SYT16: variants seen among roughly 807,000 people sequenced by gnomAD.
The protein encoded by SYT16 is synaptotagmin 16, also known as synaptotagmin-16.
A neutral mutation model predicts 61.4 loss-of-function variants in SYT16; 42 were observed. The ratio of observed to expected loss-of-function variants is 0.68; its 90% CI spans 0.53 to 0.89. The LOEUF (loss-of-function observed/expected upper bound fraction) is 0.89. SYT16 is among the 40% of genes least tolerant of loss of function. The pLI, the probability that SYT16 is intolerant of heterozygous loss-of-function variation, is 0.00. For missense variants in SYT16, 804 were observed against 807.3 expected (o/e 1.00, Z 0.05); for synonymous variants, 314 against 302.3 (o/e 1.04, Z -0.40).
intron 3 of SYT16, among the ~76,000 whole-genome samples, chr14:62,047,666 TGA>T (rs145080082): frequency 0.38 from 57,139 of 151,800 alleles, 14,648 homozygotes; most frequent in African/African-American, 0.74. Flanking sequence ...ACTAATTTAT[TGA>T]GAGTTTTTAC....
In SYT16 at chr14:62,100,376, C is replaced by CTTTTTT. The variant is rs749150838; in HGVS notation, c.1625-13_1625-8dup. 20 of 1,286,602 alleles carry CTTTTTT rather than the reference C, an allele frequency of 1.6e-5. No individual in the cohort carries two copies. The highest frequency in any genetic ancestry group is 2.0e-4 in the Middle Eastern group (1 of 5,034). 79.7% of individuals were successfully genotyped at this position (1,286,602 alleles called of 1,614,324 possible). A position where few individuals can be genotyped will look rare whatever the true frequency, so the allele number is the denominator to read the frequency against. ...TGTTTCTTATCATCCCCACCCCACCCTTTTTTTTTTGTCTTAGATACATAT... is the reference window on the plus strand; with the variant it reads ...TGTTTCTTATCATCCCCACCCCACCCTTTTTTTTTTTTTTTTGTCTTAGATACATAT... On this transcript the variant is annotated splice_polypyrimidine_tract_variant and intron_variant, in intron 7 of 7. Coordinates refer to ENST00000683842, the MANE Select transcript of SYT16 (RefSeq NM_001367656.1).
intron 1 of SYT16, among the ~76,000 whole-genome samples, chr14:61,824,501 T>C (rs533592614): frequency 1.2e-3 from 176 of 152,184 alleles, no homozygotes; most frequent in Non-Finnish European, 2.0e-3. Context: ...TACAGGCACC[T>C]GCCACCACGC....
intron 2 of SYT16, among the ~76,000 whole-genome samples, chr14:61,993,685 G>A (rs1466508568): frequency 6.6e-6 from 1 of 151,942 alleles, no homozygotes; most frequent in African/African-American, 2.4e-5. Flanking sequence ...TGGCGAAATG[G>A]GATGTAACAA....
chr14:62,099,012 T>C (rs1450961534), intron 7 of SYT16, among the ~76,000 whole-genome samples: 1 of 151,934 alleles, frequency 6.6e-6, no homozygotes, highest in African/African-American at 2.4e-5. Flanking sequence ...CAAATTGGGT[T>C]GGAGGAGGGG....
At chr14:61,916,043 G>A (rs2049109286) in intron 1 of SYT16, among the ~76,000 whole-genome samples, 1 of 152,140 alleles carries the variant, frequency 6.6e-6, no homozygotes, top group African/African-American at 2.4e-5. Flanking sequence ...ATTCTTTGCT[G>A]TTGCATGTCT....
At position 61,846,414 on chromosome 14, in the gene SYT16, C is replaced by T. The variant is rs1269536748; in HGVS notation, c.-325+33604C>T. ...GACCCCTTTATCATTATATGGTGACCTTCTTTGTCTCCTCTTACAGTTTTT... is the reference window on the plus strand; with the variant it reads ...GACCCCTTTATCATTATATGGTGACTTTCTTTGTCTCCTCTTACAGTTTTT... On this transcript the variant is annotated intron_variant, in intron 1 of 7. Transcript: ENST00000683842. Among the ~76,000 whole-genome samples, 4 of 152,068 alleles carry T rather than the reference C, an allele frequency of 2.6e-5. No homozygotes were observed. The South Asian group carries it at 8.3e-4, about 31-fold the overall frequency.
chr14:62,068,334 G>A (rs1032382181), intron 3 of SYT16, among the ~76,000 whole-genome samples: 2 of 151,882 alleles, frequency 1.3e-5, no homozygotes, highest in African/African-American at 4.8e-5. Flanking sequence ...AAGAGGCATA[G>A]TGCATCATTT....
At chr14:61,980,802 A>G (rs2052035916) in intron 2 of SYT16, among the ~76,000 whole-genome samples, 1 of 152,210 alleles carries the variant, frequency 6.6e-6, no homozygotes, top group African/African-American at 2.4e-5. Flanking sequence ...TTAAAAAAAG[A>G]CTAATTGACA....
intron 1 of SYT16, among the ~76,000 whole-genome samples, chr14:61,858,901 C>CT (rs2046868931): frequency 6.6e-6 from 1 of 150,602 alleles, no homozygotes; most frequent in Admixed American, 6.6e-5. Context: ...GTTGCCCAGG[C>CT]TGGAGTGCGG....
rs542249036 is a variant in SYT16 at position 62,008,693 on chromosome 14, A to G, written c.523+12151A>G. On this transcript the variant is annotated intron_variant, in intron 3 of 7. Transcript: ENST00000683842. ...TAAACTACATATAACATAATTTTGC[A>G]TGTTTTAAAACTTTATACAAGTGAT... 2.0e-5 allele frequency among the ~76,000 whole-genome samples: 3 copies of G among 149,220 alleles called. No homozygotes were observed. In the East Asian group the frequency reaches 5.9e-4, roughly 29 times the overall value.
intron 1 of SYT16, among the ~76,000 whole-genome samples, chr14:61,853,257 A>C (rs950072022): frequency 6.6e-6 from 1 of 152,184 alleles, no homozygotes; most frequent in Admixed American, 6.5e-5. Context: ...CAGAGCTTTA[A>C]AGTCAGAAGA....
intron 1 of SYT16, among the ~76,000 whole-genome samples, chr14:61,864,670 G>A (rs942482239): frequency 6.6e-5 from 10 of 152,244 alleles, no homozygotes; most frequent in African/African-American, 9.6e-5. Flanking sequence ...GCCCTTTTAT[G>A]CCGGTCCCTA....
intron 7 of SYT16, among the ~76,000 whole-genome samples, chr14:62,086,718 GA>G (rs2140989445): frequency 6.6e-6 from 1 of 152,058 alleles, no homozygotes; most frequent in African/African-American, 2.4e-5. Flanking sequence ...AACCAAATAG[GA>G]AAAAAAGGCA....
chr14:62,029,464 T>C (rs1311587605), intron 3 of SYT16, among the ~76,000 whole-genome samples: 1 of 152,212 alleles, frequency 6.6e-6, no homozygotes, highest in East Asian at 1.9e-4. Flanking sequence ...CTGGTGGTTT[T>C]CTGTTGATTG....
intron 1 of SYT16, among the ~76,000 whole-genome samples, chr14:61,853,118 C>T (rs910489819): frequency 1.3e-5 from 2 of 152,146 alleles, no homozygotes; most frequent in African/African-American, 4.8e-5. Flanking sequence ...GGGGTTTCAC[C>T]ATGTTGGCCA....
At chr14:62,021,666 A>G (rs2053915754) in intron 3 of SYT16, among the ~76,000 whole-genome samples, 1 of 137,530 alleles carries the variant, frequency 7.3e-6, no homozygotes, top group African/African-American at 2.5e-5. Flanking sequence ...CCCTCTACCA[A>G]GAATGGACTA....
intron 1 of SYT16, among the ~76,000 whole-genome samples, chr14:61,897,967 C>G (rs2048381661): frequency 6.6e-6 from 1 of 152,254 alleles, no homozygotes; most frequent in East Asian, 1.9e-4. Context: ...TGTAGTTACT[C>G]AAATCAAATG....
chr14:61,833,388 G>T (rs1445164311), intron 1 of SYT16, among the ~76,000 whole-genome samples: 2 of 151,564 alleles, frequency 1.3e-5, no homozygotes, highest in Admixed American at 1.3e-4. Context: ...TGCCTCCCGG[G>T]TTCAAGCGAT....
intron 1 of SYT16, among the ~76,000 whole-genome samples, chr14:61,849,809 T>C (rs140082535): frequency 2.6e-5 from 4 of 152,312 alleles, no homozygotes; most frequent in African/African-American, 7.2e-5. Context: ...TTCATTCTTA[T>C]GTAGGTGCTT....
Sources: allele counts gnomAD v4.1 joint callset (sites outside exome capture counted in the v4.1 genomes callset), GRCh38; gene constraint gnomAD v4.1.1; transcripts MANE v1.5; gene names NCBI Gene and HGNC (gene_info 2026-07-23, HGNC 2026-07-21).